Variants in PDE11A observed in about 807,000 individuals in gnomAD.
The protein encoded by PDE11A is dual 3',5'-cyclic-AMP and -GMP phosphodiesterase 11A.
A neutral mutation model predicts 100.5 loss-of-function variants in PDE11A; 100 were observed. The ratio of observed to expected loss-of-function variants is 1.00; its 90% CI spans 0.85 to 1.18. The LOEUF is 1.18. PDE11A is among the 50% of genes most tolerant of loss of function. The probability of loss-of-function intolerance (pLI) is 0.00; values close to 1 mark genes in which losing one functional copy is unlikely to be tolerated. For synonymous variants in PDE11A, 381 were observed against 420.8 expected (o/e 0.91, Z 1.16); for missense variants, 1,141 against 1,152.6 (o/e 0.99, Z 0.15).
At chr2:177,915,536 T>C (rs1448115906) in intron 2 of PDE11A, among the ~76,000 whole-genome samples, 1 of 152,234 alleles carries the variant, frequency 6.6e-6, no homozygotes, top group Admixed American at 6.5e-5. Flanking sequence ...TTCATTTCTT[T>C]TTATCACTGA....
chr2:177,709,151 T>G (rs1574066732), intron 13 of PDE11A, among the ~76,000 whole-genome samples: 1 of 151,476 alleles, frequency 6.6e-6, no homozygotes, highest in South Asian at 2.1e-4. Context: ...TGGGCAGGAG[T>G]CCGAATGAAA....
At chr2:178,027,989 T>G (rs1216061364) in intron 1 of PDE11A, among the ~76,000 whole-genome samples, 1 of 152,170 alleles carries the variant, frequency 6.6e-6, no homozygotes, top group Non-Finnish European at 1.5e-5. Context: ...GAACAAGTCC[T>G]CCAGCCACAG....
intron 12 of PDE11A, among the ~76,000 whole-genome samples, chr2:177,723,949 CA>C (rs2081565204): frequency 6.6e-6 from 1 of 152,038 alleles, no homozygotes; most frequent in Admixed American, 6.6e-5. Flanking sequence ...ATATGTCCCT[CA>C]TCTTTTATCA....
At position 177,713,108 on chromosome 2, in the gene PDE11A, A is replaced by C. The variant is rs190162461; in HGVS notation, c.2044-1230T>G. ...ACTGCAACCTCTGCCTCCTGGGTTC[A>C]AGTGATTCTCCTGCCTCAGCTTCCC... On this transcript the variant is annotated intron_variant, in intron 12 of 19. Coordinates refer to ENST00000286063, the MANE Select transcript of PDE11A (RefSeq NM_016953.4). Among the ~76,000 whole-genome samples the C allele has an allele frequency of 2.7e-3, 418 of 152,138 alleles. 7 individuals carry two copies. The highest frequency in any genetic ancestry group is 9.4e-3 in the African/African-American group (391 of 41,512).
chr2:177,692,727 A>T (rs2081057745), intron 15 of PDE11A, among the ~76,000 whole-genome samples: 1 of 152,098 alleles, frequency 6.6e-6, no homozygotes, highest in Non-Finnish European at 1.5e-5. Flanking sequence ...CACATTAAGG[A>T]TTTTGTTTGT....
chr2:177,819,860 T>TTCTCCCTCTCTCTCTCTCTC (rs2083105317), intron 7 of PDE11A, among the ~76,000 whole-genome samples: 1 of 102,182 alleles, frequency 9.8e-6, no homozygotes, highest in African/African-American at 3.8e-5. Flanking sequence ...CTTTCTCTCT[T>TTCTCCCTCTCTCTCTCTCTC]TCTCTCTTTC....
At chr2:178,016,157 C>G (rs183951486) in intron 1 of PDE11A, among the ~76,000 whole-genome samples, 106 of 21,676 alleles carry the variant, frequency 4.9e-3, no homozygotes, top group African/African-American at 0.014. Context: ...TTTTTTTTTG[C>G]ATTTTAGTAG....
intron 19 of PDE11A, among the ~76,000 whole-genome samples, chr2:177,660,129 TTCATTCCTTCTCTC>T (rs2080463471): frequency 2.3e-4 from 18 of 77,578 alleles, no homozygotes; most frequent in Admixed American, 6.3e-4. Flanking sequence ...CTTTCTTTCT[TTCATTCCTTCTCTC>T]TCTTTCTTTC....
chr2:177,760,743 C>A (rs568071400), intron 10 of PDE11A, among the ~76,000 whole-genome samples: 1 of 152,298 alleles, frequency 6.6e-6, no homozygotes, highest in South Asian at 2.1e-4. Flanking sequence ...CATGGTCTTA[C>A]AAAGACTGTT....
chr2:177,774,939 A>T (rs1296092696), intron 9 of PDE11A, among the ~76,000 whole-genome samples: 1 of 152,210 alleles, frequency 6.6e-6, no homozygotes, highest in Non-Finnish European at 1.5e-5. Flanking sequence ...ATCTTGGATT[A>T]TCTGGCTTTG....
chr2:177,836,031 G>A (rs908419765), intron 6 of PDE11A, among the ~76,000 whole-genome samples: 3 of 152,206 alleles, frequency 2.0e-5, no homozygotes, highest in East Asian at 1.9e-4. Context: ...CGGTCCTATC[G>A]ACCACCCAAC....
At chr2:177,703,719 G>T (rs1401954176) in intron 13 of PDE11A, among the ~76,000 whole-genome samples, 1 of 152,192 alleles carries the variant, frequency 6.6e-6, no homozygotes, top group Non-Finnish European at 1.5e-5. Context: ...TAGATGATCA[G>T]AAGTCACTCT....
At chr2:177,716,142 A>C (rs1322833396) in intron 12 of PDE11A, among the ~76,000 whole-genome samples, 1 of 152,212 alleles carries the variant, frequency 6.6e-6, no homozygotes, top group East Asian at 1.9e-4. Flanking sequence ...TGTGCACCTC[A>C]TCCTAACTTT....
intron 10 of PDE11A, among the ~76,000 whole-genome samples, chr2:177,735,282 T>A (rs746124581): frequency 6.6e-6 from 1 of 152,000 alleles, no homozygotes; most frequent in East Asian, 1.9e-4. Flanking sequence ...AAATAGTTAC[T>A]ATGATAAAAA....
At chr2:177,999,933 C>T (rs1048757734) in intron 2 of PDE11A, among the ~76,000 whole-genome samples, 2 of 152,196 alleles carry the variant, frequency 1.3e-5, no homozygotes, top group African/African-American at 4.8e-5. Context: ...TCTTAACATA[C>T]TCTCACTCCA....
At chr2:177,851,146 A>T (rs1345452160) in intron 5 of PDE11A, among the ~76,000 whole-genome samples, 1 of 152,306 alleles carries the variant, frequency 6.6e-6, no homozygotes. Context: ...CAAATGTCCA[A>T]CAACGATAGA....
At chr2:178,068,387 C>A (rs909991630) in intron 1 of PDE11A, among the ~76,000 whole-genome samples, 3 of 151,864 alleles carry the variant, frequency 2.0e-5, no homozygotes, top group Non-Finnish European at 4.4e-5. Context: ...AAATATTCTA[C>A]CCTTGACTCC....
chr2:178,021,134 T>G (rs2086406540), intron 1 of PDE11A, among the ~76,000 whole-genome samples: 1 of 152,008 alleles, frequency 6.6e-6, no homozygotes, highest in African/African-American at 2.4e-5. Flanking sequence ...GCTAATTTTG[T>G]GTTTTTAGTA....
chr2:177,828,087 T>G (rs1462349034), intron 6 of PDE11A, among the ~76,000 whole-genome samples: 1 of 152,194 alleles, frequency 6.6e-6, no homozygotes, highest in Non-Finnish European at 1.5e-5. Flanking sequence ...ATATAAGATA[T>G]AGTCTAAGAT....
Sources: gnomAD v4.1 joint callset for allele counts (sites outside exome capture counted in the v4.1 genomes callset) on GRCh38, gnomAD v4.1.1 for gene constraint, MANE v1.5 for transcripts, NCBI Gene and HGNC (gene_info 2026-07-23, HGNC 2026-07-21) for gene names.